The following TAOK3 variants were observed in gnomAD, a reference collection of about 807,000 sequenced individuals.
TAOK3 encodes the protein serine/threonine-protein kinase TAO3.
TAOK3 carries 40 observed loss-of-function variants against 120.4 expected under a neutral mutation model. The observed-to-expected ratio is 0.33, with a 90% CI of 0.26 to 0.43. The LOEUF (loss-of-function observed/expected upper bound fraction) is 0.43, where lower values mean the gene tolerates loss of function less well. TAOK3 is among the 20% of genes least tolerant of loss of function. The pLI is 1.00. For missense variants in TAOK3, 821 were observed against 1,112.1 expected (o/e 0.74, Z 3.72); for synonymous variants, 355 against 387.5 (o/e 0.92, Z 0.99).
chr12:118,232,142 A>G (rs993188646), intron 9 of TAOK3, among the ~76,000 whole-genome samples: 9 of 152,194 alleles, frequency 5.9e-5, no homozygotes, highest in Non-Finnish European at 5.9e-5. Flanking sequence ...ACATCATGGA[A>G]ATTGGCAAAG....
intron 16 of TAOK3, 139 bp downstream of exon 16, chr12:118,177,062 C>G (rs550699745): frequency 1.1e-6 from 1 of 914,570 alleles, no homozygotes. Flanking sequence ...TCACTGTGCC[C>G]GGAAAGCATT....
intron 1 of TAOK3, among the ~76,000 whole-genome samples, chr12:118,322,756 C>T (rs1473652470): frequency 1.6e-5 from 2 of 121,846 alleles, no homozygotes; most frequent in African/African-American, 6.3e-5. Context: ...GACGGAGTCT[C>T]GCTCTGTTGC....
chr12:118,164,093 C>T (rs918315052), intron 17 of TAOK3, among the ~76,000 whole-genome samples: 11 of 151,416 alleles, frequency 7.3e-5, no homozygotes, highest in East Asian at 4.1e-4. Context: ...GAGGCCGAGG[C>T]GGGTGGATCA....
At chr12:118,356,547 A>G (rs767180523) in intron 1 of TAOK3, among the ~76,000 whole-genome samples, 5 of 151,602 alleles carry the variant, frequency 3.3e-5, no homozygotes, top group Non-Finnish European at 7.4e-5. Context: ...TGATATTCCA[A>G]CTTCGGCCTC....
Position 118,354,919 on chromosome 12 carries a change from G to A in TAOK3, c.-194+17729C>T, listed in dbSNP as rs188448459. Among the ~76,000 whole-genome samples the A allele has an allele frequency of 6.7e-4, 102 of 151,818 alleles. 1 individual carries two copies. The highest frequency in any genetic ancestry group is 9.6e-4 in the Non-Finnish European group (65 of 67,940). On this transcript the variant is annotated intron_variant, in intron 1 of 20. Transcript: ENST00000392533. ...GCGTGAAAACAGACTAATACATCCT[G>A]TCTCTGCAATTTTTTTTTTTAATTA... is the stretch of plus-strand genomic sequence containing the variant.
intron 15 of TAOK3, among the ~76,000 whole-genome samples, chr12:118,179,489 C>A (rs1028420592): frequency 6.6e-6 from 1 of 152,020 alleles, no homozygotes; most frequent in Admixed American, 6.6e-5. Flanking sequence ...AGGAGATATA[C>A]CTAATGTAAA....
chr12:118,214,782 G>C (rs995802358), intron 9 of TAOK3, among the ~76,000 whole-genome samples: 4 of 138,476 alleles, frequency 2.9e-5, no homozygotes, highest in African/African-American at 1.1e-4. Flanking sequence ...TTTCGCTCTT[G>C]TTGCCCAGGC....
At chr12:118,169,316 A>ACCC (rs796532171) in intron 17 of TAOK3, among the ~76,000 whole-genome samples, 1 of 64,884 alleles carries the variant, frequency 1.5e-5, no homozygotes, top group African/African-American at 6.8e-5. Flanking sequence ...GCCCACCCCC[A>ACCC]CCCCCCCCCC....
chr12:118,167,172 GA>G (rs1466053506), intron 17 of TAOK3, among the ~76,000 whole-genome samples: 1 of 152,118 alleles, frequency 6.6e-6, no homozygotes, highest in African/African-American at 2.4e-5. Context: ...TGGTGATAGA[GA>G]AAGAGGCTCA....
chr12:118,200,797 G>A (rs2037980721), intron 12 of TAOK3: 1 of 152,414 alleles, frequency 6.6e-6, no homozygotes, highest in Non-Finnish European at 1.5e-5. Context: ...CACTGTCAAT[G>A]AGAAGCCATG....
chr12:118,236,796 A>G (rs1453355449), intron 7 of TAOK3: 1 of 152,202 alleles, frequency 6.6e-6, no homozygotes, highest in East Asian at 1.9e-4. Context: ...TCAAAACAAT[A>G]AAAATCTGAG....
chr12:118,193,631 TAGAGCTGGGG>T (rs2037551888), intron 13 of TAOK3, among the ~76,000 whole-genome samples: 1 of 152,150 alleles, frequency 6.6e-6, no homozygotes, highest in African/African-American at 2.4e-5. Context: ...TCTTCCCTAA[TAGAGCTGGGG>T]TCTCACTATG....
intron 15 of TAOK3, 50 bp downstream of exon 15, chr12:118,181,321 C>T (rs2138878501): frequency 6.7e-7 from 1 of 1,490,924 alleles, no homozygotes; most frequent in Non-Finnish European, 9.3e-7. Flanking sequence ...CCACTGACCC[C>T]AACAGGCTGG....
At chr12:118,207,595 C>T (rs1004850229) in intron 11 of TAOK3, among the ~76,000 whole-genome samples, 1 of 152,122 alleles carries the variant, frequency 6.6e-6, no homozygotes, top group Admixed American at 6.6e-5. Flanking sequence ...TGGCTCATGC[C>T]TGTAATCCCA....
rs144003462 is a variant in TAOK3 at position 118,299,244 on chromosome 12, T to C, written c.-193-32485A>G. On this transcript the variant is annotated intron_variant, in intron 1 of 20. Coordinates refer to ENST00000392533, the MANE Select transcript of TAOK3 (RefSeq NM_016281.4). ...TAAAATCTTCCAAACTTTTGAATAA[T>C]ATTCACTTGTTTCAACAGTTTTTTC... 3.8e-3 allele frequency among the ~76,000 whole-genome samples: 583 copies of C among 152,336 alleles called. 9 individuals carry two copies. The highest frequency in any genetic ancestry group is 0.01 in the Middle Eastern group (3 of 294).
intron 7 of TAOK3, 88 bp from the exon 8 acceptor site, chr12:118,235,759 T>A (rs933742810): frequency 1.2e-6 from 1 of 821,452 alleles, no homozygotes; most frequent in African/African-American, 1.7e-5. Context: ...AGACAAAAAG[T>A]TTATTTAAAC....
chr12:118,272,305 AAAAG>A (rs201811768), intron 1 of TAOK3, among the ~76,000 whole-genome samples: 3,858 of 148,416 alleles, frequency 0.026, 123 homozygotes, highest in African/African-American at 0.078. Flanking sequence ...AAAAAAAAAA[AAAAG>A]AAAGAAAGAA....
rs1367276101 is a variant in TAOK3, at chr12:118,372,256, C to G, written c.-194+392G>C. ...CCCCTCTCGGGGACCCTTCCCCTCT[C>G]CCCGCTGTCCCTGACCTTTTCTGGG... On this transcript the variant is annotated intron_variant, in intron 1 of 20. Transcript: ENST00000392533. This position sits in a 1 kb window ranked among gnomAD's most constrained non-coding sequence, Gnocchi z 4.6. Among the ~76,000 whole-genome samples, 1 of 151,362 alleles carries G rather than the reference C, an allele frequency of 6.6e-6. No individual in the cohort carries two copies. The highest frequency in any genetic ancestry group is 1.5e-5 in the Non-Finnish European group (1 of 67,780).
At chr12:118,185,284 C>T (rs1291550969) in intron 14 of TAOK3, among the ~76,000 whole-genome samples, 1 of 152,042 alleles carries the variant, frequency 6.6e-6, no homozygotes, top group Non-Finnish European at 1.5e-5. Context: ...CTGTTCAATG[C>T]TACTTTATTT....
Sources: gnomAD v4.1 joint callset for allele counts (sites outside exome capture counted in the v4.1 genomes callset) on GRCh38, gnomAD v4.1.1 for gene constraint, Gnocchi (gnomAD v3.1) non-coding constraint, MANE v1.5 for transcripts, NCBI Gene and HGNC (gene_info 2026-07-23, HGNC 2026-07-21) for gene names.